NEK10: variants seen among roughly 807,000 people sequenced by gnomAD.
The protein encoded by NEK10 is serine/threonine-protein kinase Nek10.
A neutral mutation model predicts 159.8 loss-of-function variants in NEK10; 122 were observed. The ratio of observed to expected loss-of-function variants is 0.76; its 90% confidence interval spans 0.66 to 0.89. The LOEUF is 0.89. NEK10 is among the 40% of genes least tolerant of loss of function. The probability of loss-of-function intolerance (pLI) is 0.00; values close to 1 mark genes in which losing one functional copy is unlikely to be tolerated. For missense variants in NEK10, 1,342 were observed against 1,323.1 expected (o/e 1.01, Z -0.22); for synonymous variants, 466 against 457.1 (o/e 1.02, Z -0.25).
intron 13 of NEK10, among the ~76,000 whole-genome samples, chr3:27,297,646 A>G (rs62255638): frequency 0.23 from 35,384 of 152,218 alleles, 4,484 homozygotes; most frequent in Middle Eastern, 0.37. Flanking sequence ...CTCAATCCTT[A>G]TAATAAGAGT....
intron 22 of NEK10, among the ~76,000 whole-genome samples, chr3:27,263,597 G>A (rs1484578564): frequency 1.3e-5 from 2 of 152,186 alleles, no homozygotes; most frequent in Non-Finnish European, 2.9e-5. Flanking sequence ...AGGCTCCGTG[G>A]GTATAGGACC....
intron 24 of NEK10, among the ~76,000 whole-genome samples, chr3:27,201,893 T>C (rs954123052): frequency 6.6e-6 from 1 of 152,146 alleles, no homozygotes. Context: ...GCGCAGTGGC[T>C]CACGTCTATA....
chr3:27,165,924 T>C (rs565384978), intron 29 of NEK10, among the ~76,000 whole-genome samples: 2 of 152,324 alleles, frequency 1.3e-5, no homozygotes, highest in East Asian at 3.9e-4. Context: ...TCATAAGAAT[T>C]CCTTGAAATA....
At chr3:27,291,813 T>TA (rs2043018227) in intron 16 of NEK10, among the ~76,000 whole-genome samples, 1 of 152,016 alleles carries the variant, frequency 6.6e-6, no homozygotes, top group African/African-American at 2.4e-5. Context: ...CGGCTAATTT[T>TA]TTGTATTTTT....
intron 22 of NEK10, among the ~76,000 whole-genome samples, chr3:27,258,465 G>A (rs1263439143): frequency 6.7e-6 from 1 of 148,676 alleles, no homozygotes; most frequent in Non-Finnish European, 1.5e-5. Context: ...GTGAGAACAT[G>A]CGGTGTTTGG....
intron 23 of NEK10, among the ~76,000 whole-genome samples, chr3:27,227,053 T>TATTC (rs1398528776): frequency 6.6e-6 from 1 of 152,250 alleles, no homozygotes; most frequent in Non-Finnish European, 1.5e-5. Context: ...TTCATTCATT[T>TATTC]ATTCATTCAT....
intron 26 of NEK10, among the ~76,000 whole-genome samples, chr3:27,188,626 T>G (rs1018332565): frequency 6.6e-6 from 1 of 152,158 alleles, no homozygotes; most frequent in African/African-American, 2.4e-5. Context: ...CCTGCAAGTC[T>G]CACACTGACA....
intron 23 of NEK10, among the ~76,000 whole-genome samples, chr3:27,238,680 T>G (rs181079179): frequency 2.2e-4 from 33 of 152,176 alleles, no homozygotes; most frequent in Admixed American, 1.8e-3. Flanking sequence ...TAAATATGCT[T>G]CTGGGTCAAC....
rs150795644 is a variant in NEK10 at position 27,293,722 on chromosome 3, T to G, written c.1309-70A>C. 22 of 822,994 alleles carry G rather than the reference T, an allele frequency of 2.7e-5. No individual in the cohort carries two copies. In the Admixed American group the frequency reaches 5.3e-4, roughly 20 times the overall value. 51.0% of individuals were successfully genotyped at this position (822,994 alleles called of 1,614,324 possible). Reference sequence around the variant, plus strand: ...AATTAAAACATTTTCAGGAAAGAATTAACAGGAAGTAAACATTAACGTGAC... The same window carrying G: ...AATTAAAACATTTTCAGGAAAGAATGAACAGGAAGTAAACATTAACGTGAC... On this transcript the variant is annotated intron_variant, in intron 15 of 35. Transcript: ENST00000691995.
At chr3:27,364,703 C>A (rs2149901349) in intron 1 of NEK10, among the ~76,000 whole-genome samples, 2 of 152,194 alleles carry the variant, frequency 1.3e-5, no homozygotes, top group Middle Eastern at 6.8e-3. Flanking sequence ...TTCATTTAAT[C>A]CTCAAAACAA....
chr3:27,233,334 T>C (rs1195119503), intron 23 of NEK10, among the ~76,000 whole-genome samples: 1 of 151,862 alleles, frequency 6.6e-6, no homozygotes, highest in Non-Finnish European at 1.5e-5. Context: ...ATTAAAACCA[T>C]AATGAGATAC....
chr3:27,153,129 G>C (rs1212071325), intron 30 of NEK10, among the ~76,000 whole-genome samples: 4 of 152,136 alleles, frequency 2.6e-5, no homozygotes, highest in South Asian at 2.1e-4. Context: ...GACTATCCTG[G>C]CTAACATGGT....
At chr3:27,269,950 T>C (rs994149869) in intron 22 of NEK10, among the ~76,000 whole-genome samples, 2 of 152,174 alleles carry the variant, frequency 1.3e-5, no homozygotes, top group Admixed American at 1.3e-4. Flanking sequence ...ATATATATAG[T>C]GAATTAGGCC....
intron 35 of NEK10, among the ~76,000 whole-genome samples, chr3:27,114,788 A>C (rs1347183164): frequency 6.6e-6 from 1 of 152,192 alleles, no homozygotes; most frequent in Non-Finnish European, 1.5e-5. Flanking sequence ...TATACTCCAA[A>C]GGACTATGCC....
chr3:27,237,041 T>G (rs1048114306), intron 23 of NEK10, among the ~76,000 whole-genome samples: 1 of 150,390 alleles, frequency 6.6e-6, no homozygotes, highest in African/African-American at 2.5e-5. Flanking sequence ...TTCCTTCCCC[T>G]GGGTATTAAT....
At chr3:27,336,738 G>T (rs763043809) in intron 5 of NEK10, among the ~76,000 whole-genome samples, 2 of 151,992 alleles carry the variant, frequency 1.3e-5, no homozygotes, top group East Asian at 3.8e-4. Flanking sequence ...CAGAATGAAC[G>T]ATAAACAACA....
intron 23 of NEK10, among the ~76,000 whole-genome samples, chr3:27,233,332 CATA>C (rs1311420430): frequency 6.6e-6 from 1 of 151,966 alleles, no homozygotes; most frequent in East Asian, 1.9e-4. Context: ...AAATTAAAAC[CATA>C]ATGAGATACC....
chr3:27,281,929 A>C (rs2042190552), intron 22 of NEK10, among the ~76,000 whole-genome samples: 1 of 152,192 alleles, frequency 6.6e-6, no homozygotes, highest in African/African-American at 2.4e-5. Flanking sequence ...GATTTGGAGA[A>C]AAGTAAATAA....
chr3:27,360,544 G>A (rs373348354), intron 1 of NEK10, among the ~76,000 whole-genome samples: 4 of 152,150 alleles, frequency 2.6e-5, no homozygotes, highest in Admixed American at 1.3e-4. Flanking sequence ...AGAACAAAGC[G>A]CACTTCACCT....
Sources: allele counts gnomAD v4.1 joint callset (sites outside exome capture counted in the v4.1 genomes callset), GRCh38; gene constraint gnomAD v4.1.1; transcripts MANE v1.5; gene names NCBI Gene and HGNC (gene_info 2026-07-23, HGNC 2026-07-21).